PAXIP1: variants seen among roughly 807,000 people sequenced by gnomAD.
PAXIP1 encodes PAX interacting protein 1.
In PAXIP1, 19 loss-of-function variants were observed where a neutral mutation model predicts 140.6. The observed-to-expected ratio is 0.14, with a 90% CI of 0.09 to 0.20. The LOEUF (loss-of-function observed/expected upper bound fraction) is 0.20, where lower values mean the gene tolerates loss of function less well. Ranked by LOEUF, PAXIP1 falls within the 10% of genes least tolerant of loss-of-function variation. The probability of loss-of-function intolerance (pLI) is 1.00; values close to 1 mark genes in which losing one functional copy is unlikely to be tolerated. For synonymous variants in PAXIP1, 442 were observed against 444.6 expected (o/e 0.99, Z 0.07); for missense variants, 920 against 1,208.6 (o/e 0.76, Z 3.54).
rs745882139 is a variant in PAXIP1 at position 154,961,008 on chromosome 7, G to A, written c.2319C>T (p.Gly773=). 1.7e-5 allele frequency: 28 copies of A among 1,600,004 alleles called. No individual in the cohort carries two copies. Among genetic ancestry groups the A allele is most frequent in the Non-Finnish European group, 2.2e-5 (26 of 1,173,066 alleles). ...RIPCVNAQWL[G]DILLGNFEAL... is the part of the protein sequence containing the mutation. ...CCTCAAAGTTTCCCAGAAGAATGTC[G>A]CCAAGCCACTGGGCGTTGACACAGG... The change falls in exon 12 of 21, where the codon GGC becomes GGT. Residue 773 remains glycine, a synonymous_variant. Transcript: ENST00000404141.
intron 16 of PAXIP1, chr7:154,950,157 A>C (rs1808210089): frequency 6.6e-6 from 1 of 152,238 alleles, no homozygotes; most frequent in Non-Finnish European, 1.5e-5. Context: ...TCCCAAAAAC[A>C]TGCACCTACC....
chr7:154,982,514 C>T (rs905287662), intron 5 of PAXIP1, among the ~76,000 whole-genome samples: 6 of 152,208 alleles, frequency 3.9e-5, no homozygotes, highest in African/African-American at 1.4e-4. Context: ...CCATGCCTGG[C>T]TAATTTTTGT....
chr7:155,000,421 A>C (rs551174472), intron 1 of PAXIP1: 11 of 151,094 alleles, frequency 7.3e-5, no homozygotes, highest in African/African-American at 2.7e-4. Context: ...CTTCTTCATG[A>C]GTTTCCCTGT....
At chr7:154,983,644 G>A (rs536516979) in intron 4 of PAXIP1, 36 of 206,630 alleles carry the variant, frequency 1.7e-4, no homozygotes, top group African/African-American at 8.0e-4. Context: ...AAATAGTCAG[G>A]GGAAAAAAAG....
chr7:154,980,560 G>A lies in PAXIP1; in HGVS notation c.438+2659C>T, dbSNP rs184240709. ...TTCCCAAGTAGCTAGGACCACAGGC[G>A]TGAGTCACCACATCCAGCTAATTTT... is the stretch of plus-strand genomic sequence containing the variant. On this transcript the variant is annotated intron_variant, in intron 5 of 20. Coordinates refer to ENST00000404141, the MANE Select transcript of PAXIP1 (RefSeq NM_007349.4). Among the ~76,000 whole-genome samples the A allele has an allele frequency of 8.4e-4, 128 of 151,922 alleles. No homozygotes were observed. The East Asian group carries it at 0.012, about 15-fold the overall frequency.
In PAXIP1 at chr7:154,986,267, A is replaced by T. The variant is rs930982505; in HGVS notation, c.325-2935T>A. 13 of 942,844 alleles carry T rather than the reference A, an allele frequency of 1.4e-5. No individual in the cohort carries two copies. The highest frequency in any genetic ancestry group is 2.9e-5 in the Admixed American group (1 of 34,820). The allele number at this position is 942,844 out of a possible 1,614,324, so 58.4% of individuals were successfully genotyped here. ...GGGTCCTGCCTGGCGTGTGCATGTG[A>T]GTGTGTGTGCGCATGGGTGCTCCAG... On this transcript the variant is annotated intron_variant, in intron 4 of 20. Coordinates refer to ENST00000404141, the MANE Select transcript of PAXIP1 (RefSeq NM_007349.4). This position sits in a 1 kb window ranked among gnomAD's most constrained non-coding sequence, Gnocchi z 4.8.
chr7:154,980,285 TA>T (rs1418593174), intron 5 of PAXIP1, among the ~76,000 whole-genome samples: 1 of 152,194 alleles, frequency 6.6e-6, no homozygotes, highest in African/African-American at 2.4e-5. Flanking sequence ...AAACTGTCAC[TA>T]ATGGCAATGA....
chr7:154,978,613 T>G (rs1251924145), intron 5 of PAXIP1, among the ~76,000 whole-genome samples: 4 of 152,208 alleles, frequency 2.6e-5, no homozygotes, highest in Admixed American at 2.6e-4. Flanking sequence ...CAAGTTATTT[T>G]AGGAAAATAT....
intron 4 of PAXIP1, among the ~76,000 whole-genome samples, chr7:154,989,532 T>A (rs1336193647): frequency 2.0e-5 from 3 of 152,188 alleles, no homozygotes; most frequent in African/African-American, 4.8e-5. Context: ...CATCCTACAG[T>A]GCACTTTCAC....
At chr7:154,994,206 T>C (rs1283914620) in intron 2 of PAXIP1, among the ~76,000 whole-genome samples, 3 of 152,208 alleles carry the variant, frequency 2.0e-5, no homozygotes, top group South Asian at 2.1e-4. Flanking sequence ...GTCAAGCAGA[T>C]ACAATGTTTG....
intron 4 of PAXIP1, chr7:154,983,575 A>C (rs948591235): frequency 9.4e-6 from 3 of 318,240 alleles, no homozygotes; most frequent in African/African-American, 2.2e-5. Context: ...AATGAATTTA[A>C]AAATATTTAT....
intron 14 of PAXIP1, 76 bp downstream of exon 14, chr7:154,957,148 T>C: frequency 1.4e-6 from 1 of 732,670 alleles, no homozygotes; most frequent in East Asian, 2.7e-5. Context: ...TTTAGAAACT[T>C]TCCTCAATTG....
chr7:154,961,385 T>A, intron 11 of PAXIP1, 142 bp downstream of exon 11: 1 of 657,674 alleles, frequency 1.5e-6, no homozygotes, highest in Non-Finnish European at 2.5e-6. Context: ...CATTACTATA[T>A]CATTGTCATA....
Position 154,946,618 on chromosome 7 carries a change from C to T in PAXIP1, c.3058-31G>A. 1 of 1,613,296 alleles carries T rather than the reference C, an allele frequency of 6.2e-7. No individual in the cohort carries two copies. Among genetic ancestry groups the T allele is most frequent in the Non-Finnish European group, 8.5e-7 (1 of 1,179,380 alleles). On this transcript the variant is annotated intron_variant, in intron 18 of 20. Coordinates refer to ENST00000404141, the MANE Select transcript of PAXIP1 (RefSeq NM_007349.4). This position sits in a 1 kb window ranked among gnomAD's most constrained non-coding sequence, Gnocchi z 4.9. The stretch of plus-strand genomic sequence containing the variant: ...GAAAAGAAAATGAGTTTCTCAGTGA[C>T]CGAACGCTGAATGTGATACAGGGCA...
At position 154,954,993 on chromosome 7, in the gene PAXIP1, T is replaced by C. The variant is rs1413068064; in HGVS notation, c.2652+536A>G. On this transcript the variant is annotated intron_variant, in intron 15 of 20. Transcript: ENST00000404141. The surrounding 1 kb of genome is among the most constrained non-coding windows in gnomAD (Gnocchi z 5.1). Reference sequence around the variant, plus strand: ...AGGAGTAAAATGTACGAATCCACCATAATACAGGTCAACTTATACTCTTAA... The same window carrying C: ...AGGAGTAAAATGTACGAATCCACCACAATACAGGTCAACTTATACTCTTAA... 1.3e-5 allele frequency among the ~76,000 whole-genome samples: 2 copies of C among 152,222 alleles called. No individual in the cohort carries two copies. Among genetic ancestry groups the C allele is most frequent in the African/African-American group, 4.8e-5 (2 of 41,456 alleles).
intron 2 of PAXIP1, among the ~76,000 whole-genome samples, chr7:154,995,830 T>C (rs1040610682): frequency 6.6e-6 from 1 of 152,046 alleles, no homozygotes; most frequent in Non-Finnish European, 1.5e-5. Context: ...GCCTGGGAGA[T>C]TCTGTCTGAA....
rs962363245 is a variant in PAXIP1, at chr7:154,956,665, TC to T, written c.2549+558del. ...ATGCCATATGCATTGCACATGTCCTTCCAAAGGCTTTGGGTCTGGATCCTCC... is the reference window on the plus strand; with the variant it reads ...ATGCCATATGCATTGCACATGTCCTTCAAAGGCTTTGGGTCTGGATCCTCC... On this transcript the variant is annotated intron_variant, in intron 14 of 20. Transcript: ENST00000404141. This position sits in a 1 kb window ranked among gnomAD's most constrained non-coding sequence, Gnocchi z 4.2. 1.0e-4 allele frequency: 16 copies of T among 152,492 alleles called. No homozygotes were observed. Among genetic ancestry groups the T allele is most frequent in the African/African-American group, 3.9e-4 (16 of 41,458 alleles). The allele number at this position is 152,492 out of a possible 1,614,324, so 9.4% of individuals were successfully genotyped here. A position where few individuals can be genotyped will look rare whatever the true frequency, so the allele number is the denominator to read the frequency against.
chr7:155,002,815 G>C (rs751589271), intron 1 of PAXIP1, 34 bp downstream of exon 1: 26 of 1,270,992 alleles, frequency 2.0e-5, no homozygotes, highest in East Asian at 3.5e-5. Context: ...GACGCGGACG[G>C]GGGAGGAGGC....
Position 154,963,547 on chromosome 7 carries a change from G to T in PAXIP1, c.1989+124C>A, listed in dbSNP as rs1485407610. Reference sequence around the variant, plus strand: ...CCAAAGATTCGATCACAGGAAGAAGGAATTTTCCTATCTTTAGAGGTAGAA... The same window carrying T: ...CCAAAGATTCGATCACAGGAAGAAGTAATTTTCCTATCTTTAGAGGTAGAA... On this transcript the variant is annotated intron_variant, in intron 9 of 20. Coordinates refer to ENST00000404141, the MANE Select transcript of PAXIP1 (RefSeq NM_007349.4). This position sits in a 1 kb window ranked among gnomAD's most constrained non-coding sequence, Gnocchi z 4.1. 2 of 647,246 alleles carry T rather than the reference G, an allele frequency of 3.1e-6. No individual in the cohort carries two copies. Among genetic ancestry groups the T allele is most frequent in the East Asian group, 2.8e-5 (1 of 36,182 alleles). The allele number at this position is 647,246 out of a possible 1,614,324, so 40.1% of individuals were successfully genotyped here.
Sources: gnomAD v4.1 joint callset for allele counts (sites outside exome capture counted in the v4.1 genomes callset) on GRCh38, gnomAD v4.1.1 for gene constraint, Gnocchi (gnomAD v3.1) non-coding constraint, MANE v1.5 for transcripts, NCBI Gene and HGNC (gene_info 2026-07-23, HGNC 2026-07-21) for gene names.